Variants in RAC1 observed in about 807,000 individuals in gnomAD.
RAC1 encodes the protein Rac family small GTPase 1, also known as ras-related C3 botulinum toxin substrate 1.
Under a neutral mutation model 25.2 loss-of-function variants are expected in RAC1, and 2 were observed. That is an observed-to-expected ratio of 0.08 (90% confidence interval 0.03 to 0.25). The LOEUF is 0.25. Ranked by LOEUF, RAC1 falls within the 10% of genes least tolerant of loss-of-function variation. The pLI is 1.00. For synonymous variants in RAC1, 88 were observed against 94.0 expected (o/e 0.94, Z 0.37); for missense variants, 50 against 235.7 (o/e 0.21, Z 5.16).
intron 1 of RAC1, 42 bp downstream of exon 1, chr7:6,374,812 G>C (rs1007771516): frequency 9.1e-7 from 1 of 1,098,430 alleles, no homozygotes; most frequent in Non-Finnish European, 1.1e-6. Context: ...CGCGGGATCG[G>C]GCGCGGAGGG....
chr7:6,400,647 A>G (rs754605640), intron 4 of RAC1, among the ~76,000 whole-genome samples: 2 of 151,510 alleles, frequency 1.3e-5, no homozygotes, highest in Non-Finnish European at 2.9e-5. Context: ...TATTTTATTT[A>G]TTTATTTTTG....
chr7:6,380,277 C>G (rs754571702), intron 1 of RAC1, among the ~76,000 whole-genome samples: 21 of 152,130 alleles, frequency 1.4e-4, no homozygotes, highest in African/African-American at 2.2e-4. Context: ...GAATTCTGCA[C>G]TGGCCTCCAA....
At chr7:6,386,515 C>T (rs1043438499) in intron 1 of RAC1, among the ~76,000 whole-genome samples, 1 of 151,988 alleles carries the variant, frequency 6.6e-6, no homozygotes, top group African/African-American at 2.4e-5. Flanking sequence ...GGTGTGGTGG[C>T]TCCAGCCTGT....
intron 1 of RAC1, among the ~76,000 whole-genome samples, chr7:6,382,186 A>T (rs1375132562): frequency 6.6e-6 from 1 of 151,984 alleles, no homozygotes; most frequent in African/African-American, 2.4e-5. Context: ...ATAGAGATGC[A>T]GTTTCGCTGT....
At position 6,388,024 on chromosome 7, in the gene RAC1, G is replaced by A. The variant is rs149699953; in HGVS notation, c.107+741G>A. 6.9e-4 allele frequency among the ~76,000 whole-genome samples: 105 copies of A among 152,300 alleles called. 1 individual carries two copies. Among genetic ancestry groups the A allele is most frequent in the Middle Eastern group, 3.4e-3 (1 of 294 alleles). On this transcript the variant is annotated intron_variant, in intron 2 of 5. Transcript: ENST00000348035. ...CAGTTGGTTACATGTCCGCATTGAG[G>A]TGTAGGGCTTTGGAATTGAAACTTG...
At chr7:6,375,917 G>A (rs766839332) in intron 1 of RAC1, 1 of 152,050 alleles carries the variant, frequency 6.6e-6, no homozygotes, top group Non-Finnish European at 1.5e-5. Context: ...GCTTGTATAG[G>A]TTAGTGTTAG....
At chr7:6,399,613 G>A (rs1252093546) in intron 3 of RAC1, among the ~76,000 whole-genome samples, 2 of 152,166 alleles carry the variant, frequency 1.3e-5, no homozygotes, top group Non-Finnish European at 2.9e-5. Context: ...CTGTGAAGGT[G>A]CCACTTACAC....
At chr7:6,398,754 T>C in intron 3 of RAC1, 3 of 1,591,832 alleles carry the variant, frequency 1.9e-6, no homozygotes, top group Non-Finnish European at 2.6e-6. Context: ...AGTTTCAAGC[T>C]TTCTCTGTTC....
At chr7:6,401,062 TCTC>T (rs1020115307) in intron 4 of RAC1, among the ~76,000 whole-genome samples, 2 of 152,066 alleles carry the variant, frequency 1.3e-5, no homozygotes, top group African/African-American at 4.8e-5. Flanking sequence ...TTCAAGCAAT[TCTC>T]CTGCCTCAGC....
chr7:6,396,149 CAT>C (rs1783229103), intron 3 of RAC1, among the ~76,000 whole-genome samples: 1 of 152,310 alleles, frequency 6.6e-6, no homozygotes, highest in Non-Finnish European at 1.5e-5. Context: ...TGACTGGAAA[CAT>C]AGGCCGGTGA....
chr7:6,402,206 C>T, intron 5 of RAC1, 110 bp from the exon 6 acceptor site: 5 of 1,489,948 alleles, frequency 3.4e-6, no homozygotes, highest in Middle Eastern at 1.9e-4. Flanking sequence ...GGAAGCAGGG[C>T]TGGGAGCCGG....
intron 3 of RAC1, among the ~76,000 whole-genome samples, chr7:6,396,473 C>CG (rs1221982010): frequency 2.0e-5 from 3 of 152,070 alleles, no homozygotes; most frequent in Non-Finnish European, 4.4e-5. Context: ...GCACGAACGC[C>CG]GGGTGGAAAG....
In RAC1 at chr7:6,402,762, A is replaced by C; in HGVS notation, c.*316A>C. 1 of 246,508 alleles carries C rather than the reference A, an allele frequency of 4.1e-6. No individual in the cohort carries two copies. The highest frequency in any genetic ancestry group is 7.9e-6 in the Non-Finnish European group (1 of 125,892). 15.3% of individuals were successfully genotyped at this position (246,508 alleles called of 1,614,324 possible). A position where few individuals can be genotyped will look rare whatever the true frequency, so the allele number is the denominator to read the frequency against. On this transcript the variant is annotated 3_prime_UTR_variant, in exon 6 of 6. Coordinates refer to ENST00000348035, the MANE Select transcript of RAC1 (RefSeq NM_006908.5). ...CTTGTTCAGATTAAGAGTTGCCAAAATACCTTCTGAACTACACTGCATTGT... is the reference window on the plus strand; with the variant it reads ...CTTGTTCAGATTAAGAGTTGCCAAACTACCTTCTGAACTACACTGCATTGT...
intron 1 of RAC1, among the ~76,000 whole-genome samples, chr7:6,384,717 A>C (rs962012423): frequency 6.6e-6 from 1 of 151,480 alleles, no homozygotes; most frequent in Non-Finnish European, 1.5e-5. Flanking sequence ...CGATCCTCCC[A>C]CCTCAGGCCC....
intron 3 of RAC1, among the ~76,000 whole-genome samples, chr7:6,395,752 G>A (rs906772063): frequency 8.5e-5 from 13 of 152,282 alleles, no homozygotes; most frequent in Middle Eastern, 3.4e-3. Flanking sequence ...CGTCAGGGCT[G>A]CCTGACCCTT....
rs1455116963 is a variant in RAC1, at chr7:6,403,939, T to C, written c.*1493T>C. ...AATGCAATTAGCATTATGTTTTGCA[T>C]GTATGACTTAATAAATCCTTGAATC... On this transcript the variant is annotated 3_prime_UTR_variant, in exon 6 of 6. Coordinates refer to ENST00000348035, the MANE Select transcript of RAC1 (RefSeq NM_006908.5). The C allele has an allele frequency of 4.6e-6, 1 of 216,652 alleles. No individual in the cohort carries two copies. Among genetic ancestry groups the C allele is most frequent in the South Asian group, 1.9e-4 (1 of 5,402 alleles). 13.4% of individuals were successfully genotyped at this position (216,652 alleles called of 1,614,324 possible).
intron 3 of RAC1, among the ~76,000 whole-genome samples, chr7:6,396,332 G>C (rs1164693050): frequency 3.9e-5 from 6 of 152,174 alleles, no homozygotes; most frequent in Admixed American, 3.9e-4. Flanking sequence ...TGTATGTGAA[G>C]CGTCAGGACA....
chr7:6,391,677 G>GCCCT, intron 2 of RAC1: 1 of 490,146 alleles, frequency 2.0e-6, no homozygotes. Flanking sequence ...TTCTGACGGT[G>GCCCT]ATTTGTTTCA....
At chr7:6,395,766 C>T (rs1772398940) in intron 3 of RAC1, among the ~76,000 whole-genome samples, 3 of 150,936 alleles carry the variant, frequency 2.0e-5, no homozygotes, top group South Asian at 4.2e-4. Flanking sequence ...GACCCTTTTA[C>T]AGGATTACAG....
Sources: gnomAD v4.1 joint callset for allele counts (sites outside exome capture counted in the v4.1 genomes callset) on GRCh38, gnomAD v4.1.1 for gene constraint, MANE v1.5 for transcripts, NCBI Gene and HGNC (gene_info 2026-07-23, HGNC 2026-07-21) for gene names.